FOXP1: variants seen among roughly 807,000 people sequenced by gnomAD.
FOXP1 encodes forkhead box protein P1.
FOXP1 carries 15 observed loss-of-function variants against 98.2 expected under a neutral mutation model. The ratio of observed to expected loss-of-function variants is 0.15; its 90% CI spans 0.10 to 0.24. The LOEUF (loss-of-function observed/expected upper bound fraction) is 0.24. Among genes scored for constraint, FOXP1 ranks in the 10% least tolerant of loss-of-function variants. FOXP1 has a pLI of 1.00. For synonymous variants in FOXP1, 371 were observed against 314.5 expected, an observed-to-expected ratio of 1.18 and a Z score of -1.90; for missense variants, 633 against 848.5, an observed-to-expected ratio of 0.75 and a Z score of 3.15.
intron 2 of FOXP1, among the ~76,000 whole-genome samples, chr3:71,510,931 C>T (rs979514123): frequency 3.9e-5 from 6 of 152,114 alleles, no homozygotes; most frequent in African/African-American, 1.2e-4. Flanking sequence ...GTCTGAGATA[C>T]GTGTGCTAAA....
intron 7 of FOXP1, among the ~76,000 whole-genome samples, chr3:71,084,301 T>A (rs541165829): frequency 6.6e-6 from 1 of 152,098 alleles, no homozygotes; most frequent in African/African-American, 2.4e-5. Flanking sequence ...ACCATACTAT[T>A]AAGAGTTCTC....
At chr3:71,583,454 T>C in intron 1 of FOXP1, 117 bp downstream of exon 1, 2 of 978,710 alleles carry the variant, frequency 2.0e-6, no homozygotes, top group Non-Finnish European at 2.4e-6. Flanking sequence ...TTTTTCTCTT[T>C]TTCTTTCTTT....
At chr3:71,391,668 C>T (rs115080424) in intron 3 of FOXP1, among the ~76,000 whole-genome samples, 1 of 152,224 alleles carries the variant, frequency 6.6e-6, no homozygotes, top group Non-Finnish European at 1.5e-5. Flanking sequence ...CATGAATGAA[C>T]GGATTGCCCA....
At chr3:71,491,343 G>C (rs2091045072) in intron 3 of FOXP1, among the ~76,000 whole-genome samples, 1 of 152,140 alleles carries the variant, frequency 6.6e-6, no homozygotes, top group African/African-American at 2.4e-5. Flanking sequence ...AGCATGTGCT[G>C]CCTGTTCACT....
rs1378433028 is a variant in FOXP1 at position 70,959,188 on chromosome 3, G to A, written c.*59C>T. ...AACAATTTCACTGCTAACTTTTGAC[G>A]TGTTTTTTTTTTTTTCCTTTTTCCA... On this transcript the variant is annotated 3_prime_UTR_variant, in exon 21 of 21. Coordinates refer to ENST00000649528, the MANE Select transcript of FOXP1 (RefSeq NM_001349338.3). The A allele has an allele frequency of 9.4e-6, 14 of 1,481,628 alleles. No homozygotes were observed. The highest frequency in any genetic ancestry group is 3.4e-5 in the Admixed American group (2 of 58,990). 91.8% of individuals were successfully genotyped at this position (1,481,628 alleles called of 1,614,324 possible).
At position 71,583,598 on chromosome 3, in the gene FOXP1, C is replaced by G; in HGVS notation, c.-474G>C. Reference sequence around the variant, plus strand: ...GCTGCAAATGGTCTCTCGGTGCAAACTAAGGTGTTTTCGGGCCTTTCCCCG... The same window carrying G: ...GCTGCAAATGGTCTCTCGGTGCAAAGTAAGGTGTTTTCGGGCCTTTCCCCG... On this transcript the variant is annotated 5_prime_UTR_variant, in exon 1 of 21. Coordinates refer to ENST00000649528, the MANE Select transcript of FOXP1 (RefSeq NM_001349338.3). 1 of 983,860 alleles carries G rather than the reference C, an allele frequency of 1.0e-6. No homozygotes were observed. Among genetic ancestry groups the G allele is most frequent in the Non-Finnish European group, 1.2e-6 (1 of 829,570 alleles). 60.9% of individuals were successfully genotyped at this position (983,860 alleles called of 1,614,324 possible).
intron 2 of FOXP1, among the ~76,000 whole-genome samples, chr3:71,535,523 G>A (rs192178323): frequency 5.3e-5 from 8 of 152,170 alleles, no homozygotes; most frequent in African/African-American, 1.9e-4. Context: ...TGAGCAATAT[G>A]ACAAAAACCC....
At chr3:71,111,436 C>T (rs561187431) in intron 7 of FOXP1, among the ~76,000 whole-genome samples, 4 of 152,254 alleles carry the variant, frequency 2.6e-5, no homozygotes, top group Non-Finnish European at 2.9e-5. Flanking sequence ...TCACTCTTGT[C>T]GCCCAGGCTG....
At chr3:71,030,843 C>A (rs2046771786) in intron 11 of FOXP1, among the ~76,000 whole-genome samples, 1 of 152,154 alleles carries the variant, frequency 6.6e-6, no homozygotes, top group Non-Finnish European at 1.5e-5. Flanking sequence ...TTCTCTCACA[C>A]TGATCTTTAA....
At chr3:71,042,089 T>C (rs188533584) in intron 10 of FOXP1, among the ~76,000 whole-genome samples, 2 of 152,324 alleles carry the variant, frequency 1.3e-5, no homozygotes, top group East Asian at 3.9e-4. Context: ...ACTATGATTA[T>C]TTCATTAACA....
chr3:71,376,498 A>G (rs1456792816), intron 3 of FOXP1, among the ~76,000 whole-genome samples: 1 of 152,248 alleles, frequency 6.6e-6, no homozygotes, highest in Non-Finnish European at 1.5e-5. Context: ...TTGTTAAGGA[A>G]TCACCGAAGA....
At chr3:71,428,921 A>G (rs533112674) in intron 3 of FOXP1, among the ~76,000 whole-genome samples, 415 of 152,338 alleles carry the variant, frequency 2.7e-3, no homozygotes, top group Non-Finnish European at 5.0e-3. Flanking sequence ...CCTGGCCCTG[A>G]GGTCCCGTTC....
chr3:70,977,759 T>C (rs2037874697), intron 15 of FOXP1, 37 bp from the exon 16 acceptor site: 8 of 1,612,558 alleles, frequency 5.0e-6, no homozygotes, highest in Non-Finnish European at 6.8e-6. Flanking sequence ...TTATCACTTT[T>C]TCAAAAGGGG....
At chr3:71,138,497 G>A (rs1390821520) in intron 6 of FOXP1, among the ~76,000 whole-genome samples, 1 of 152,168 alleles carries the variant, frequency 6.6e-6, no homozygotes, top group Non-Finnish European at 1.5e-5. Context: ...CGAGAAGGCA[G>A]CTCCTCTGAG....
chr3:71,015,164 CCAACAA>C (rs529565593), intron 12 of FOXP1, among the ~76,000 whole-genome samples: 4 of 150,426 alleles, frequency 2.7e-5, no homozygotes, highest in African/African-American at 5.0e-5. Flanking sequence ...GATGACACCT[CCAACAA>C]CAACAACAAC....
At chr3:71,486,802 A>T (rs745829367) in intron 3 of FOXP1, among the ~76,000 whole-genome samples, 22 of 152,208 alleles carry the variant, frequency 1.4e-4, no homozygotes, top group Non-Finnish European at 1.9e-4. Context: ...CAGAAAACAG[A>T]ATATTTTCAA....
In FOXP1 at chr3:71,027,330, A is replaced by T. The variant is rs538105532; in HGVS notation, c.870-11677T>A. ...AGTATGCTATGGAAGTCAGCAAAAGATTTCTAAGAGTTACATCATACTTCA... is the reference window on the plus strand; with the variant it reads ...AGTATGCTATGGAAGTCAGCAAAAGTTTTCTAAGAGTTACATCATACTTCA... On this transcript the variant is annotated intron_variant, in intron 11 of 20. Transcript: ENST00000649528. Among the ~76,000 whole-genome samples, 5 of 152,296 alleles carry T rather than the reference A, an allele frequency of 3.3e-5. No individual in the cohort carries two copies. The South Asian group carries it at 8.3e-4, about 25-fold the overall frequency.
At chr3:71,016,555 G>A (rs892215756) in intron 11 of FOXP1, among the ~76,000 whole-genome samples, 9 of 151,490 alleles carry the variant, frequency 5.9e-5, no homozygotes, top group East Asian at 5.8e-4. Context: ...GTTCTGTTTC[G>A]TACTCAAGTG....
chr3:71,398,927 A>C (rs933691964), intron 3 of FOXP1, among the ~76,000 whole-genome samples: 3 of 152,244 alleles, frequency 2.0e-5, no homozygotes, highest in Non-Finnish European at 4.4e-5. Flanking sequence ...AAAAGCTGGC[A>C]TAATTCTTGG....
Sources: gnomAD v4.1 joint callset for allele counts (sites outside exome capture counted in the v4.1 genomes callset) on GRCh38, gnomAD v4.1.1 for gene constraint, MANE v1.5 for transcripts, NCBI Gene and HGNC (gene_info 2026-07-23, HGNC 2026-07-21) for gene names.